COL1A2: variants seen among roughly 807,000 people sequenced by gnomAD.
The protein encoded by COL1A2 is collagen type I alpha 2 chain, also known as collagen alpha-2(I) chain.
Under a neutral mutation model 174.3 loss-of-function variants are expected in COL1A2, and 49 were observed. The observed-to-expected ratio is 0.28, with a 90% confidence interval of 0.22 to 0.36. COL1A2 has a LOEUF of 0.36. Among genes scored for constraint, COL1A2 ranks in the 10% least tolerant of loss-of-function variants. COL1A2 has a pLI of 1.00. For synonymous variants in COL1A2, 655 were observed against 606.6 expected, an observed-to-expected ratio of 1.08 and a Z score of -1.17; for missense variants, 1,438 against 1,822.7, an observed-to-expected ratio of 0.79 and a Z score of 3.84.
At chr7:94,417,595 C>T (rs1584324403) in intron 31 of COL1A2, 129 bp from the exon 32 acceptor site, 4 of 760,070 alleles carry the variant, frequency 5.3e-6, no homozygotes, top group Non-Finnish European at 6.9e-6. Flanking sequence ...AATAGCCCAG[C>T]CTTCTTTGTG....
Position 94,406,257 on chromosome 7 carries a change from A to G in COL1A2, c.548A>G (p.Asn183Ser), listed in dbSNP as rs1283526350. 2.5e-6 allele frequency: 4 copies of G among 1,613,790 alleles called. No homozygotes were observed. The highest frequency in any genetic ancestry group is 2.2e-5 in the East Asian group (1 of 44,878). The stretch of plus-strand genomic sequence containing the variant: ...ATAAGGCTTTCCTTTCAGGGACACA[A>G]TGGTCTGGATGGATTGAAGGGACAG... ...LPGFKGIRGHNGLDGLKGQPG... is the reference protein window; with the variant it reads ...LPGFKGIRGHSGLDGLKGQPG... The change falls in exon 12 of 52, where the codon AAT becomes AGT. Residue 183 changes from asparagine to serine, a missense_variant. Asn to Ser is a conservative substitution (Grantham distance 46). Transcript: ENST00000297268.
chr7:94,412,741 C>G, intron 25 of COL1A2, 59 bp downstream of exon 25: 1 of 1,444,480 alleles, frequency 6.9e-7, no homozygotes, highest in African/African-American at 1.4e-5. Flanking sequence ...TTTTACCAAA[C>G]TCTAGTATTT....
chr7:94,428,017 G>A, intron 49 of COL1A2, 132 bp downstream of exon 49: 1 of 1,064,516 alleles, frequency 9.4e-7, no homozygotes, highest in South Asian at 1.4e-5. Flanking sequence ...CCCAATTAAT[G>A]GAGCGTCATC....
At chr7:94,413,872 CT>C in intron 27 of COL1A2, 21 bp from the exon 28 acceptor site, 2 of 1,613,834 alleles carry the variant, frequency 1.2e-6, no homozygotes, top group Non-Finnish European at 1.7e-6. Flanking sequence ...GCTATTTATG[CT>C]CTCTTTCCTG....
chr7:94,427,258 C>T lies in COL1A2; in HGVS notation c.3230C>T (p.Ala1077Val). The change falls in exon 48 of 52, where the codon GCT becomes GTT. Residue 1077 changes from alanine (A) to valine (V), a missense_variant. Ala to Val is a moderately conservative substitution (Grantham distance 64, BLOSUM62 0). This residue lies in a region of COL1A2 where 867 missense variants were observed against 1,213.7 expected (regional missense o/e 0.71). Transcript: ENST00000297268. ...RTGHPGTVGPAGIRGPQGHQG... is the reference protein window; with the variant it reads ...RTGHPGTVGPVGIRGPQGHQG... The stretch of plus-strand genomic sequence containing the variant: ...GGACATCCTGGTACAGTTGGACCTG[C>T]TGGCATTCGAGGCCCTCAGGGTCAC... 1 of 1,613,822 alleles carries T rather than the reference C, an allele frequency of 6.2e-7. No homozygotes were observed. Among genetic ancestry groups the T allele is most frequent in the Non-Finnish European group, 8.5e-7 (1 of 1,179,926 alleles).
In COL1A2 at chr7:94,409,810, A is replaced by G; in HGVS notation, c.1024A>G (p.Arg342Gly). 1 of 1,614,140 alleles carries G rather than the reference A, an allele frequency of 6.2e-7. No homozygotes were observed. The highest frequency in any genetic ancestry group is 8.5e-7 in the Non-Finnish European group (1 of 1,180,038). ...PVGAAGATGA[R>G]GLVGEPGPAG... ...TGGTGCTGCCGGTGCTACTGGTGCCAGAGGACTTGTTGTAAGTGGTCATGA... is the reference window on the plus strand; with the variant it reads ...TGGTGCTGCCGGTGCTACTGGTGCCGGAGGACTTGTTGTAAGTGGTCATGA... The change falls in exon 19 of 52, where the codon AGA becomes GGA. Residue 342 changes from arginine (R) to glycine (G), a missense_variant. This residue lies in a region of COL1A2 where 867 missense variants were observed against 1,213.7 expected (regional missense o/e 0.71). Coordinates refer to ENST00000297268, the MANE Select transcript of COL1A2 (RefSeq NM_000089.4).
At position 94,430,442 on chromosome 7, in the gene COL1A2, CTT is replaced by C. The variant is rs1792376271; in HGVS notation, c.*51_*52del. On this transcript the variant is annotated 3_prime_UTR_variant, in exon 52 of 52. Coordinates refer to ENST00000297268, the MANE Select transcript of COL1A2 (RefSeq NM_000089.4). Reference sequence around the variant, plus strand: ...AGAAAGAAATTTGAAAAAACTTTCTCTTTGCCATTTCTTCTTCTTCTTTTTTA... The same window carrying C: ...AGAAAGAAATTTGAAAAAACTTTCTCTGCCATTTCTTCTTCTTCTTTTTTA... The C allele has an allele frequency of 6.3e-7, 1 of 1,583,520 alleles. No homozygotes were observed. Among genetic ancestry groups the C allele is most frequent in the South Asian group, 1.1e-5 (1 of 89,410 alleles).
At chr7:94,407,500 T>C (rs556432114) in intron 12 of COL1A2, among the ~76,000 whole-genome samples, 5 of 152,204 alleles carry the variant, frequency 3.3e-5, no homozygotes, top group Non-Finnish European at 7.3e-5. Context: ...TTAAAAAGGA[T>C]AAATATGGTT....
At chr7:94,408,748 C>A (rs1160696482) in intron 15 of COL1A2, 22 bp from the exon 16 acceptor site, 1 of 1,613,548 alleles carries the variant, frequency 6.2e-7, no homozygotes, top group Non-Finnish European at 8.5e-7. Context: ...AAATTTCTTA[C>A]CACCTTCTGC....
chr7:94,412,436 G>A, intron 24 of COL1A2, 148 bp from the exon 25 acceptor site: 1 of 703,434 alleles, frequency 1.4e-6, no homozygotes, highest in Admixed American at 2.4e-5. Context: ...AGTTAGAAAA[G>A]GAAAATGGAT....
intron 1 of COL1A2, among the ~76,000 whole-genome samples, chr7:94,397,050 A>G (rs1791598356): frequency 6.6e-6 from 1 of 152,152 alleles, no homozygotes; most frequent in South Asian, 2.1e-4. Flanking sequence ...CCATTTATAC[A>G]AAACTCTTTC....
chr7:94,408,697 A>T (rs1013223867), intron 15 of COL1A2, 73 bp from the exon 16 acceptor site: 77 of 1,524,858 alleles, frequency 5.0e-5, no homozygotes, highest in Non-Finnish European at 6.6e-5. Flanking sequence ...AGCAACTTCA[A>T]TCTTCTGCCA....
chr7:94,397,329 A>G (rs1791603046), intron 1 of COL1A2, among the ~76,000 whole-genome samples: 1 of 152,128 alleles, frequency 6.6e-6, no homozygotes, highest in Admixed American at 6.6e-5. Context: ...CCTAAATTTT[A>G]CCTTTTTTCG....
chr7:94,425,016 T>C, intron 41 of COL1A2, 101 bp from the exon 42 acceptor site: 2 of 982,620 alleles, frequency 2.0e-6, no homozygotes, highest in Admixed American at 3.8e-5. Context: ...ATTTACCTTC[T>C]TCCTTCAAAC....
chr7:94,416,512 TTA>T lies in COL1A2; in HGVS notation c.1863+11_1863+12del. The T allele has an allele frequency of 1.9e-6, 3 of 1,555,384 alleles. No homozygotes were observed. Among genetic ancestry groups the T allele is most frequent in the Non-Finnish European group, 2.6e-6 (3 of 1,147,358 alleles). Reference sequence around the variant, plus strand: ...GGCCTGATGGAAACAAGGTAAAATCTTATGTTTTCTATATTGCTGGTTTGGCC... The same window carrying T: ...GGCCTGATGGAAACAAGGTAAAATCTTGTTTTCTATATTGCTGGTTTGGCC... On this transcript the variant is annotated intron_variant, in intron 31 of 51. Transcript: ENST00000297268.
chr7:94,412,662 C>T lies in COL1A2; in HGVS notation c.1483C>T (p.Pro495Ser). The change falls in exon 25 of 52, where the codon CCT (proline) becomes TCT (serine). Residue 495 changes from proline (P) to serine (S), a missense_variant. By Grantham distance (74) the Pro-to-Ser change is moderately conservative. Transcript: ENST00000297268. Reference sequence around the variant, plus strand: ...AGGAGAGCCTGGCAACATTGGATTCCCTGGACCCAAAGGCCCCACTGTAAG... The same window carrying T: ...AGGAGAGCCTGGCAACATTGGATTCTCTGGACCCAAAGGCCCCACTGTAAG... ...ARGEPGNIGFPGPKGPTGDPG... is the reference protein window; with the variant it reads ...ARGEPGNIGFSGPKGPTGDPG... 1 of 1,614,058 alleles carries T rather than the reference C, an allele frequency of 6.2e-7. No individual in the cohort carries two copies. Among genetic ancestry groups the T allele is most frequent in the Non-Finnish European group, 8.5e-7 (1 of 1,179,988 alleles).
At chr7:94,420,812 T>C in intron 37 of COL1A2, 164 bp downstream of exon 37, 1 of 902,744 alleles carries the variant, frequency 1.1e-6, no homozygotes. Flanking sequence ...AGTATAAAAG[T>C]TTCATGAATA....
At chr7:94,416,164 C>T (rs1490638815) in intron 30 of COL1A2, among the ~76,000 whole-genome samples, 1 of 152,146 alleles carries the variant, frequency 6.6e-6, no homozygotes, top group Non-Finnish European at 1.5e-5. Context: ...GAATATTATA[C>T]TCTAGAAGCA....
intron 2 of COL1A2, 143 bp from the exon 3 acceptor site, chr7:94,398,239 T>G (rs904104509): frequency 6.3e-6 from 2 of 318,074 alleles, no homozygotes; most frequent in African/African-American, 4.4e-5. Flanking sequence ...AATTGTAGTT[T>G]GAAATATTAA....
Sources: allele counts gnomAD v4.1 joint callset (sites outside exome capture counted in the v4.1 genomes callset), GRCh38; gene constraint gnomAD v4.1.1; regional missense constraint gnomAD v4.1.1; transcripts MANE v1.5; gene names NCBI Gene and HGNC (gene_info 2026-07-23, HGNC 2026-07-21).